Variants in TIPRL observed in about 807,000 individuals in gnomAD.
TIPRL encodes TIP41-like protein.
TIPRL carries 10 observed loss-of-function variants against 32.3 expected under a neutral mutation model. That is an observed-to-expected ratio of 0.31 (90% CI 0.19 to 0.52). The LOEUF (loss-of-function observed/expected upper bound fraction) is 0.52, where lower values mean the gene tolerates loss of function less well. TIPRL is among the 20% of genes least tolerant of loss of function. The pLI is 0.96. For missense variants in TIPRL, 250 were observed against 328.1 expected (o/e 0.76, Z 1.84); for synonymous variants, 100 against 114.0 (o/e 0.88, Z 0.78).
rs766282474 is a variant in TIPRL at position 168,196,604 on chromosome 1, G to A, written c.574G>A (p.Val192Met). The A allele has an allele frequency of 1.2e-6, 2 of 1,603,544 alleles. No homozygotes were observed. The highest frequency in any genetic ancestry group is 2.7e-5 in the African/African-American group (2 of 74,282). Residue 192 changes from valine to methionine, a missense_variant, in exon 5 of 7, where the codon GTG becomes ATG. Transcript: ENST00000367833. ...LLRFFLRIDG[V>M]LIRMNDTRLY... ...GCGGTTTTTCTTGAGAATTGATGGG[G>A]TGCTTATCAGAATGAATGACACGAG...
rs1433081834 is a variant in TIPRL at position 168,187,303 on chromosome 1, A to C, written c.384+2425A>C. On this transcript the variant is annotated intron_variant, in intron 3 of 6. Transcript: ENST00000367833. ...GAACTTGTTTTAAACCCATACAATA[A>C]TGATGATGACTTACTTTGTGGACTG... Among the ~76,000 whole-genome samples, 3 of 152,352 alleles carry C rather than the reference A, an allele frequency of 2.0e-5. No individual in the cohort carries two copies. In the East Asian group the frequency reaches 5.8e-4, roughly 29 times the overall value.
At position 168,201,306 on chromosome 1, in the gene TIPRL, G is replaced by A. The variant is rs1700205654; in HGVS notation, c.*1260G>A. On this transcript the variant is annotated 3_prime_UTR_variant, in exon 7 of 7. Transcript: ENST00000367833. ...TATGTTGTACATATTTCCATTTGAT[G>A]GATAAATCATTAAGTAAGAATATTT... 6.6e-6 allele frequency: 1 copy of A among 151,970 alleles called. No individual in the cohort carries two copies. Among genetic ancestry groups the A allele is most frequent in the African/African-American group, 2.4e-5 (1 of 41,364 alleles). 9.4% of individuals were successfully genotyped at this position (151,970 alleles called of 1,614,324 possible). A position where few individuals can be genotyped will look rare whatever the true frequency, so the allele number is the denominator to read the frequency against.
chr1:168,195,649 A>T (rs1243603924), intron 4 of TIPRL, among the ~76,000 whole-genome samples: 1 of 151,984 alleles, frequency 6.6e-6, no homozygotes, highest in African/African-American at 2.4e-5. Context: ...ATCATGGCTC[A>T]CTGCAGCCTA....
rs1053306980 is a variant in TIPRL at position 168,199,846 on chromosome 1, T to G, written c.676-57T>G. 13 of 1,541,646 alleles carry G rather than the reference T, an allele frequency of 8.4e-6. No homozygotes were observed. In the African/African-American group the frequency reaches 1.7e-4, roughly 20 times the overall value. On this transcript the variant is annotated intron_variant, in intron 6 of 6. Transcript: ENST00000367833. ...TTATGAATGCTTGAACCAAAACATTTGTAAAAAATTTCAGTACAGTAACTG... is the reference window on the plus strand; with the variant it reads ...TTATGAATGCTTGAACCAAAACATTGGTAAAAAATTTCAGTACAGTAACTG...
At chr1:168,189,140 C>T (rs891875904) in intron 3 of TIPRL, among the ~76,000 whole-genome samples, 4 of 152,336 alleles carry the variant, frequency 2.6e-5, no homozygotes, top group African/African-American at 9.6e-5. Context: ...TCTGGATCAG[C>T]CAGTGCTATG....
At chr1:168,182,423 C>A (rs921495200) in intron 1 of TIPRL, among the ~76,000 whole-genome samples, 2 of 152,140 alleles carry the variant, frequency 1.3e-5, no homozygotes, top group African/African-American at 4.8e-5. Flanking sequence ...GTCAGGAGTT[C>A]GAGACCAGCC....
chr1:168,182,964 TAGTCCTGAAGACCATTGTTAACATTGTGC>T (rs943430903), intron 1 of TIPRL, among the ~76,000 whole-genome samples: 60 of 152,260 alleles, frequency 3.9e-4, no homozygotes, highest in South Asian at 2.1e-4. Context: ...TTAACATTGT[TAGTCCTGAAGACCATTGTTAACATTGTGC>T]AGTCCTGAAG....
intron 3 of TIPRL, among the ~76,000 whole-genome samples, chr1:168,188,190 G>T (rs1041119595): frequency 3.9e-5 from 6 of 152,118 alleles, no homozygotes; most frequent in Non-Finnish European, 7.4e-5. Flanking sequence ...TTTTATTTCA[G>T]TTGGTTCTGG....
At chr1:168,187,783 G>A (rs1321693439) in intron 3 of TIPRL, among the ~76,000 whole-genome samples, 3 of 152,064 alleles carry the variant, frequency 2.0e-5, no homozygotes, top group Non-Finnish European at 4.4e-5. Flanking sequence ...GACCAGTCTG[G>A]GCAACATGGT....
intron 3 of TIPRL, among the ~76,000 whole-genome samples, chr1:168,188,395 C>T (rs948283168): frequency 1.1e-4 from 17 of 152,152 alleles, no homozygotes; most frequent in African/African-American, 3.9e-4. Flanking sequence ...GCCTTAGAGT[C>T]TCTGTTGCAG....
Position 168,184,793 on chromosome 1 carries a change from A to T in TIPRL, c.299A>T (p.His100Leu), listed in dbSNP as rs1363307956. ...EWQESRTEGE[H>L]SKEVIKPYDW... ...TGGTATTTGAGGACGGAGGGTGAACACTCCAAAGAGGTTATTAAACCATAT... is the reference window on the plus strand; with the variant it reads ...TGGTATTTGAGGACGGAGGGTGAACTCTCCAAAGAGGTTATTAAACCATAT... Residue 100 changes from histidine to leucine, a missense_variant, in exon 3 of 7, where the codon CAC (histidine) becomes CTC (leucine). Coordinates refer to ENST00000367833, the MANE Select transcript of TIPRL (RefSeq NM_152902.5). The T allele has an allele frequency of 6.2e-7, 1 of 1,610,160 alleles. No individual in the cohort carries two copies. Among genetic ancestry groups the T allele is most frequent in the East Asian group, 2.2e-5 (1 of 44,830 alleles).
At chr1:168,195,783 A>G (rs1339349950) in intron 4 of TIPRL, among the ~76,000 whole-genome samples, 1 of 152,164 alleles carries the variant, frequency 6.6e-6, no homozygotes, top group African/African-American at 2.4e-5. Context: ...TCTGTTGCCC[A>G]GGCTGGTCTT....
intron 4 of TIPRL, chr1:168,192,157 TC>T: frequency 7.0e-7 from 1 of 1,433,876 alleles, no homozygotes; most frequent in South Asian, 1.4e-5. Flanking sequence ...TTTAAAATGA[TC>T]CATGTGTTAT....
At chr1:168,192,086 T>G in intron 4 of TIPRL, 2 of 1,163,162 alleles carry the variant, frequency 1.7e-6, no homozygotes, top group Non-Finnish European at 2.2e-6. Context: ...GGCTTAATTT[T>G]CACATTTTGG....
intron 4 of TIPRL, among the ~76,000 whole-genome samples, chr1:168,191,806 A>C (rs546945247): frequency 2.2e-5 from 3 of 139,136 alleles, no homozygotes; most frequent in Admixed American, 7.7e-5. Context: ...CAAGAGGCGG[A>C]GCTTGCAGTG....
rs555357870 is a variant in TIPRL at position 168,200,849 on chromosome 1, G to A, written c.*803G>A. 6.6e-6 allele frequency: 1 copy of A among 152,022 alleles called. No homozygotes were observed. Among genetic ancestry groups the A allele is most frequent in the Non-Finnish European group, 1.5e-5 (1 of 67,986 alleles). The allele number at this position is 152,022 out of a possible 1,614,324, so 9.4% of individuals were successfully genotyped here. ...AACCCCTTAAATTTGGTGCTGGTTC[G>A]AAAAAGTCTAAAGGGTTTATTAGGG... On this transcript the variant is annotated 3_prime_UTR_variant, in exon 7 of 7. Transcript: ENST00000367833.
intron 1 of TIPRL, among the ~76,000 whole-genome samples, chr1:168,182,350 G>A (rs1227485545): frequency 1.3e-5 from 2 of 152,236 alleles, no homozygotes; most frequent in Non-Finnish European, 2.9e-5. Flanking sequence ...TTCAGGCCGG[G>A]CGCGGTGACT....
rs900170141 is a variant in TIPRL, at chr1:168,199,920, C to T, written c.693C>T (p.Leu231=). ...TTTCCTAGCATGTTCCACCTTCCCT[C>T]TTCACGGAACCTAATGAAATATCCC... ...ISSLMHVPPS[L]FTEPNEISQY... The change falls in exon 7 of 7, where the codon CTC becomes CTT. Residue 231 remains leucine (L), a synonymous_variant. Transcript: ENST00000367833. The T allele has an allele frequency of 9.9e-6, 16 of 1,612,810 alleles. No individual in the cohort carries two copies. The highest frequency in any genetic ancestry group is 5.3e-5 in the African/African-American group (4 of 74,866).
chr1:168,191,299 G>A (rs1007799538), intron 3 of TIPRL, 70 bp from the exon 4 acceptor site: 3 of 1,368,000 alleles, frequency 2.2e-6, no homozygotes, highest in African/African-American at 3.1e-5. Flanking sequence ...AGAAAAGACT[G>A]CTTTCCTGTG....
Sources: allele counts gnomAD v4.1 joint callset (sites outside exome capture counted in the v4.1 genomes callset), GRCh38; gene constraint gnomAD v4.1.1; transcripts MANE v1.5; gene names NCBI Gene and HGNC (gene_info 2026-07-23, HGNC 2026-07-21).